SLC35F3: variants seen among roughly 807,000 people sequenced by gnomAD.
SLC35F3 encodes putative thiamine transporter SLC35F3.
Under a neutral mutation model 49.9 loss-of-function variants are expected in SLC35F3, and 25 were observed. That is an observed-to-expected ratio of 0.50 (90% CI 0.37 to 0.70). The LOEUF (loss-of-function observed/expected upper bound fraction) is 0.70, where lower values mean the gene tolerates loss of function less well. Ranked by LOEUF, SLC35F3 falls within the 30% of genes least tolerant of loss-of-function variation. The pLI is 0.00. For synonymous variants in SLC35F3, 275 were observed against 265.4 expected, an observed-to-expected ratio of 1.04 and a Z score of -0.35; for missense variants, 525 against 639.8, an observed-to-expected ratio of 0.82 and a Z score of 1.94.
chr1:233,963,031 T>A (rs1219617873), intron 2 of SLC35F3, among the ~76,000 whole-genome samples: 1 of 152,330 alleles, frequency 6.6e-6, no homozygotes, highest in East Asian at 1.9e-4. Flanking sequence ...TCCCAGACCC[T>A]CAGCTGCAGA....
At chr1:234,002,600 A>T (rs56673473) in intron 2 of SLC35F3, among the ~76,000 whole-genome samples, 10,069 of 152,112 alleles carry the variant, frequency 0.066, 565 homozygotes, top group East Asian at 0.25. Context: ...CACTTGACTT[A>T]TACAGTTGAC....
chr1:233,961,689 C>T (rs932476262), intron 2 of SLC35F3, among the ~76,000 whole-genome samples: 2 of 152,148 alleles, frequency 1.3e-5, no homozygotes, highest in Non-Finnish European at 2.9e-5. Context: ...CTCCTGGCCT[C>T]AGATGATCCA....
chr1:234,072,100 G>T (rs750866809), intron 2 of SLC35F3, among the ~76,000 whole-genome samples: 1 of 152,228 alleles, frequency 6.6e-6, no homozygotes, highest in East Asian at 1.9e-4. Context: ...AGTAGATATT[G>T]TAGGCAGCAT....
At chr1:234,247,666 AGTTGTTCTG>A in intron 3 of SLC35F3, among the ~76,000 whole-genome samples, 1 of 105,350 alleles carries the variant, frequency 9.5e-6, no homozygotes, top group African/African-American at 3.8e-5. Context: ...TTGGCTGGTC[AGTTGTTCTG>A]TGGGTCGGTT....
chr1:234,105,095 T>C (rs1391941173), intron 2 of SLC35F3, among the ~76,000 whole-genome samples: 2 of 147,184 alleles, frequency 1.4e-5, no homozygotes, highest in African/African-American at 5.1e-5. Flanking sequence ...GCCACTGCAC[T>C]CTGGCCTGGG....
intron 2 of SLC35F3, among the ~76,000 whole-genome samples, chr1:234,061,467 G>C (rs992252250): frequency 6.6e-6 from 1 of 151,022 alleles, no homozygotes; most frequent in African/African-American, 2.4e-5. Context: ...GACGTTTGTT[G>C]AGTTTTCTGC....
intron 2 of SLC35F3, among the ~76,000 whole-genome samples, chr1:234,222,557 C>T (rs895353487): frequency 2.0e-5 from 3 of 152,188 alleles, no homozygotes; most frequent in Admixed American, 6.5e-5. Flanking sequence ...CCCATCCCCC[C>T]ATAGCTGCCC....
At chr1:234,043,848 T>G (rs1664255614) in intron 2 of SLC35F3, among the ~76,000 whole-genome samples, 1 of 152,236 alleles carries the variant, frequency 6.6e-6, no homozygotes, top group South Asian at 2.1e-4. Flanking sequence ...TTTATAAACT[T>G]CCAACATGAG....
chr1:234,084,163 TATC>T (rs768588277), intron 2 of SLC35F3, among the ~76,000 whole-genome samples: 4 of 151,940 alleles, frequency 2.6e-5, no homozygotes, highest in Admixed American at 6.6e-5. Flanking sequence ...AACAAGCAAT[TATC>T]ATTCTCATGA....
intron 2 of SLC35F3, among the ~76,000 whole-genome samples, chr1:233,911,143 C>T (rs1004438726): frequency 6.6e-6 from 1 of 152,182 alleles, no homozygotes; most frequent in East Asian, 1.9e-4. Context: ...CATGGAAAGG[C>T]TGTCTTCCTA....
intron 2 of SLC35F3, among the ~76,000 whole-genome samples, chr1:234,155,403 T>TTAG (rs1666136508): frequency 6.6e-6 from 1 of 151,168 alleles, no homozygotes; most frequent in Non-Finnish European, 1.5e-5. Context: ...CTGATTATTA[T>TTAG]TATTATTATT....
chr1:234,275,973 C>T (rs1668204512), intron 3 of SLC35F3, among the ~76,000 whole-genome samples: 1 of 151,990 alleles, frequency 6.6e-6, no homozygotes, highest in African/African-American at 2.4e-5. Flanking sequence ...CTTTGCGCAA[C>T]ACAACACAGC....
intron 2 of SLC35F3, among the ~76,000 whole-genome samples, chr1:234,199,997 G>A (rs1424646269): frequency 1.3e-5 from 2 of 152,158 alleles, no homozygotes; most frequent in Non-Finnish European, 2.9e-5. Context: ...CACACGTTTG[G>A]TGAAGGTGCA....
intron 3 of SLC35F3, among the ~76,000 whole-genome samples, chr1:234,301,345 A>G (rs1291048531): frequency 6.6e-6 from 1 of 152,240 alleles, no homozygotes; most frequent in South Asian, 2.1e-4. Context: ...ACATATGCAC[A>G]AGAAAAAGAC....
chr1:234,246,190 G>A (rs1667628321), intron 3 of SLC35F3, among the ~76,000 whole-genome samples: 1 of 152,196 alleles, frequency 6.6e-6, no homozygotes, highest in African/African-American at 2.4e-5. Context: ...GCAGAGGCTT[G>A]GGGTTTGGGA....
rs1462927535 is a variant in SLC35F3, at chr1:234,108,393, ATATATT to A, written c.284-123018_284-123013del. Among the ~76,000 whole-genome samples, 78 of 97,646 alleles carry A rather than the reference ATATATT, an allele frequency of 8.0e-4. 7 individuals carry two copies. In the East Asian group the frequency reaches 0.1, roughly 130 times the overall value. The allele number at this position is 97,646 out of a possible 152,430, so 64.1% of individuals were successfully genotyped here. On this transcript the variant is annotated intron_variant, in intron 2 of 7. Coordinates refer to ENST00000366618, the MANE Select transcript of SLC35F3 (RefSeq NM_173508.4). The stretch of plus-strand genomic sequence containing the variant: ...TATATTATTTATATATATAAAAGAT[ATATATT>A]TATATATATGATATATATTATTTAT...
At chr1:234,176,377 C>T (rs1327479843) in intron 2 of SLC35F3, among the ~76,000 whole-genome samples, 2 of 152,194 alleles carry the variant, frequency 1.3e-5, no homozygotes, top group Admixed American at 1.3e-4. Context: ...AGCCTATTCC[C>T]AACCTGGACA....
At chr1:234,073,653 A>T (rs538340961) in intron 2 of SLC35F3, among the ~76,000 whole-genome samples, 4 of 152,308 alleles carry the variant, frequency 2.6e-5, no homozygotes, top group African/African-American at 9.6e-5. Context: ...GAATCAGATC[A>T]ATTTAAATCA....
chr1:234,150,927 G>A (rs1303283707), intron 2 of SLC35F3, among the ~76,000 whole-genome samples: 7 of 152,200 alleles, frequency 4.6e-5, no homozygotes, highest in African/African-American at 9.6e-5. Context: ...TTGCCATCAG[G>A]AATTCCCAGG....
Sources: allele counts gnomAD v4.1 joint callset (sites outside exome capture counted in the v4.1 genomes callset), GRCh38; gene constraint gnomAD v4.1.1; transcripts MANE v1.5; gene names NCBI Gene and HGNC (gene_info 2026-07-23, HGNC 2026-07-21).